The following NCAM2 variants were observed in gnomAD, a reference collection of about 807,000 sequenced individuals.
NCAM2 encodes neural cell adhesion molecule 2.
Under a neutral mutation model 98.1 loss-of-function variants are expected in NCAM2, and 30 were observed. The ratio of observed to expected loss-of-function variants is 0.31; its 90% CI spans 0.23 to 0.41. The LOEUF is 0.41. Among genes scored for constraint, NCAM2 ranks in the 10% least tolerant of loss-of-function variants. The probability of loss-of-function intolerance (pLI) is 1.00; values close to 1 mark genes in which losing one functional copy is unlikely to be tolerated. For missense variants in NCAM2, 867 were observed against 1,005.8 expected, an observed-to-expected ratio of 0.86 and a Z score of 1.87; for synonymous variants, 368 against 342.4, an observed-to-expected ratio of 1.07 and a Z score of -0.83.
chr21:21,434,962 T>A (rs1467827006), intron 12 of NCAM2, among the ~76,000 whole-genome samples: 3 of 152,118 alleles, frequency 2.0e-5, no homozygotes, highest in Non-Finnish European at 1.5e-5. Flanking sequence ...TCTAAGTACC[T>A]GCCCCTTGGG....
intron 1 of NCAM2, among the ~76,000 whole-genome samples, chr21:21,177,504 A>T (rs1274483584): frequency 6.6e-6 from 1 of 152,108 alleles, no homozygotes; most frequent in African/African-American, 2.4e-5. Context: ...CCCATGAACG[A>T]CAACCAATTA....
intron 16 of NCAM2, among the ~76,000 whole-genome samples, chr21:21,523,246 A>C (rs2146394763): frequency 1.3e-5 from 2 of 152,106 alleles, no homozygotes; most frequent in Middle Eastern, 6.8e-3. Context: ...TTGAGGTCTT[A>C]CTCAAGAAAT....
At chr21:21,449,100 T>G (rs763774910) in intron 12 of NCAM2, among the ~76,000 whole-genome samples, 2 of 152,070 alleles carry the variant, frequency 1.3e-5, no homozygotes, top group Non-Finnish European at 2.9e-5. Context: ...AGACACAAAT[T>G]CATACATAAT....
intron 1 of NCAM2, among the ~76,000 whole-genome samples, chr21:21,056,326 T>C (rs1323159302): frequency 1.3e-5 from 2 of 152,026 alleles, no homozygotes; most frequent in Non-Finnish European, 2.9e-5. Flanking sequence ...AATGAGCAAA[T>C]AGATTATATT....
chr21:21,430,413 C>T (rs1273860559), intron 11 of NCAM2, among the ~76,000 whole-genome samples: 1 of 93,648 alleles, frequency 1.1e-5, no homozygotes, highest in African/African-American at 3.6e-5. Context: ...TTAGCCCATT[C>T]TCACACTGCT....
At chr21:21,010,465 T>G (rs2064189062) in intron 1 of NCAM2, among the ~76,000 whole-genome samples, 1 of 152,096 alleles carries the variant, frequency 6.6e-6, no homozygotes, top group Non-Finnish European at 1.5e-5. Context: ...TGTTAATGTA[T>G]TTTTGCTTTC....
At chr21:21,320,662 C>A (rs2074352696) in intron 5 of NCAM2, among the ~76,000 whole-genome samples, 1 of 152,076 alleles carries the variant, frequency 6.6e-6, no homozygotes, top group Non-Finnish European at 1.5e-5. Context: ...TGATCAAAAT[C>A]ATGATGAATG....
At chr21:21,238,803 CAA>C (rs931662476) in intron 1 of NCAM2, among the ~76,000 whole-genome samples, 22 of 152,144 alleles carry the variant, frequency 1.4e-4, no homozygotes, top group African/African-American at 5.1e-4. Flanking sequence ...ACTAGAAGTT[CAA>C]AGAGTTGTTT....
chr21:21,399,765 TC>T (rs1486286339), intron 9 of NCAM2, among the ~76,000 whole-genome samples: 1 of 152,142 alleles, frequency 6.6e-6, no homozygotes, highest in Non-Finnish European at 1.5e-5. Flanking sequence ...TTCACCCTGC[TC>T]AGACACAGGC....
rs1013513466 is a variant in NCAM2, at chr21:21,397,034, A to C, written c.1196-13240A>C. On this transcript the variant is annotated intron_variant, in intron 9 of 17. Coordinates refer to ENST00000400546, the MANE Select transcript of NCAM2 (RefSeq NM_004540.5). ...TATGCAGACAAGTGGTGGGTTAGCA[A>C]GGAGGAAAGCAGTTTCATTGAGCTA... 5.9e-5 allele frequency among the ~76,000 whole-genome samples: 9 copies of C among 152,284 alleles called. No homozygotes were observed. In the East Asian group the frequency reaches 1.7e-3, roughly 30 times the overall value.
intron 12 of NCAM2, among the ~76,000 whole-genome samples, chr21:21,446,399 T>C (rs921102769): frequency 1.3e-5 from 2 of 152,102 alleles, no homozygotes; most frequent in Non-Finnish European, 2.9e-5. Flanking sequence ...TAGAAAGTTC[T>C]CCTGGATAAT....
At chr21:21,229,567 G>A (rs980266125) in intron 1 of NCAM2, among the ~76,000 whole-genome samples, 1 of 151,534 alleles carries the variant, frequency 6.6e-6, no homozygotes, top group African/African-American at 2.4e-5. Context: ...AGTCAAGAAT[G>A]TCAAGTAAGT....
intron 1 of NCAM2, among the ~76,000 whole-genome samples, chr21:21,208,714 T>C (rs1022854099): frequency 6.6e-6 from 1 of 152,166 alleles, no homozygotes; most frequent in African/African-American, 2.4e-5. Flanking sequence ...GACATTTTCT[T>C]CCTGTACCTG....
intron 5 of NCAM2, among the ~76,000 whole-genome samples, chr21:21,309,258 T>C (rs2147703288): frequency 6.6e-6 from 1 of 152,316 alleles, no homozygotes; most frequent in African/African-American, 2.4e-5. Flanking sequence ...AAATGTTACC[T>C]CTTTATCTGC....
At chr21:21,363,949 G>A (rs183720729) in intron 8 of NCAM2, among the ~76,000 whole-genome samples, 9 of 151,958 alleles carry the variant, frequency 5.9e-5, no homozygotes, top group Admixed American at 2.0e-4. Context: ...TTAATTGAAG[G>A]CTTCTAACAA....
intron 1 of NCAM2, among the ~76,000 whole-genome samples, chr21:21,026,090 A>G (rs2064539356): frequency 6.6e-6 from 1 of 152,162 alleles, no homozygotes; most frequent in African/African-American, 2.4e-5. Context: ...CTTGGGAAGT[A>G]TCAGTGTGAC....
At chr21:21,151,615 G>T (rs930877619) in intron 1 of NCAM2, among the ~76,000 whole-genome samples, 2 of 151,962 alleles carry the variant, frequency 1.3e-5, no homozygotes, top group Non-Finnish European at 2.9e-5. Flanking sequence ...TGGCATACAC[G>T]TACAGGATTT....
chr21:21,276,867 TTAA>T (rs1307460908), intron 1 of NCAM2, among the ~76,000 whole-genome samples: 2 of 152,062 alleles, frequency 1.3e-5, no homozygotes, highest in African/African-American at 4.8e-5. Context: ...TATGGCTTAA[TTAA>T]TATGTGCATT....
At chr21:21,275,489 A>C (rs928510955) in intron 1 of NCAM2, among the ~76,000 whole-genome samples, 4 of 151,886 alleles carry the variant, frequency 2.6e-5, no homozygotes, top group Middle Eastern at 3.4e-3. Context: ...AAAAAATAAA[A>C]ATAAATAAAT....
Sources: allele counts gnomAD v4.1 joint callset (sites outside exome capture counted in the v4.1 genomes callset), GRCh38; gene constraint gnomAD v4.1.1; transcripts MANE v1.5; gene names NCBI Gene and HGNC (gene_info 2026-07-23, HGNC 2026-07-21).